The following GORASP2 variants were observed in gnomAD, a reference collection of about 807,000 sequenced individuals.
The protein encoded by GORASP2 is golgi reassembly stacking protein 2, also known as Golgi reassembly-stacking protein 2.
GORASP2 carries 22 observed loss-of-function variants against 45.7 expected under a neutral mutation model. The ratio of observed to expected loss-of-function variants is 0.48; its 90% confidence interval spans 0.34 to 0.69. The LOEUF (loss-of-function observed/expected upper bound fraction) is 0.69. GORASP2 is among the 30% of genes least tolerant of loss of function. The pLI is 0.01. For synonymous variants in GORASP2, 221 were observed against 215.6 expected (o/e 1.02, Z -0.22); for missense variants, 491 against 562.7 (o/e 0.87, Z 1.29).
chr2:170,961,838 G>T, intron 8 of GORASP2, 89 bp downstream of exon 8: 1 of 810,198 alleles, frequency 1.2e-6, no homozygotes, highest in Non-Finnish European at 2.2e-6. Context: ...TTATACCTGT[G>T]TGGTAACTTT....
At chr2:170,939,854 C>T (rs1559308592) in intron 1 of GORASP2, among the ~76,000 whole-genome samples, 1 of 152,200 alleles carries the variant, frequency 6.6e-6, no homozygotes, top group Non-Finnish European at 1.5e-5. Context: ...CTTTTCCCAT[C>T]ATTTTGATCA....
chr2:170,941,411 G>T (rs529673947), intron 1 of GORASP2, among the ~76,000 whole-genome samples: 1 of 152,134 alleles, frequency 6.6e-6, no homozygotes, highest in African/African-American at 2.4e-5. Context: ...TTTTGATACA[G>T]GGAGCATCTT....
At chr2:170,949,970 T>C in intron 3 of GORASP2, 1 of 566,246 alleles carries the variant, frequency 1.8e-6, no homozygotes, top group South Asian at 2.5e-5. Flanking sequence ...TTATTCATTA[T>C]AAGATGTGTT....
In GORASP2 at chr2:170,966,225, G is replaced by A. The variant is rs977851153; in HGVS notation, c.*95G>A. On this transcript the variant is annotated 3_prime_UTR_variant, in exon 10 of 10. Coordinates refer to ENST00000234160, the MANE Select transcript of GORASP2 (RefSeq NM_015530.5). Reference sequence around the variant, plus strand: ...CATTAATTTCATACTAGTTTGTACCGTATCTGTAGGCATCCTGTAAATAAT... The same window carrying A: ...CATTAATTTCATACTAGTTTGTACCATATCTGTAGGCATCCTGTAAATAAT... 15 of 844,508 alleles carry A rather than the reference G, an allele frequency of 1.8e-5. No homozygotes were observed. Among genetic ancestry groups the A allele is most frequent in the Admixed American group, 6.0e-5 (3 of 50,094 alleles). 52.3% of individuals were successfully genotyped at this position (844,508 alleles called of 1,614,324 possible). A position where few individuals can be genotyped will look rare whatever the true frequency, so the allele number is the denominator to read the frequency against.
intron 7 of GORASP2, among the ~76,000 whole-genome samples, chr2:170,958,178 G>A (rs1704471489): frequency 6.6e-6 from 1 of 152,128 alleles, no homozygotes; most frequent in Non-Finnish European, 1.5e-5. Flanking sequence ...ATACACAAAA[G>A]AGCTGGAATT....
rs560426978 is a variant in GORASP2, at chr2:170,949,476, A to T, written c.145-63A>T. On this transcript the variant is annotated intron_variant, in intron 2 of 9. Transcript: ENST00000234160. Reference sequence around the variant, plus strand: ...ATTAATATTACTCTTATAGGGCCATAGGATGCTTAAGCTAACATTAAATTT... The same window carrying T: ...ATTAATATTACTCTTATAGGGCCATTGGATGCTTAAGCTAACATTAAATTT... 3 of 1,133,404 alleles carry T rather than the reference A, an allele frequency of 2.6e-6. No individual in the cohort carries two copies. In the South Asian group the frequency reaches 3.8e-5, roughly 14 times the overall value. The allele number at this position is 1,133,404 out of a possible 1,614,324, so 70.2% of individuals were successfully genotyped here.
chr2:170,954,715 A>G lies in GORASP2; in HGVS notation c.632A>G (p.Lys211Arg). The change falls in exon 6 of 10, where the codon AAG (lysine) becomes AGG (arginine). Residue 211 changes from lysine (K) to arginine (R), a missense_variant. By Grantham distance (26) the Lys-to-Arg change is conservative. This residue lies in a region of GORASP2 where 194 missense variants were observed against 270.4 expected (regional missense o/e 0.72). Transcript: ENST00000234160. ...RIPTRPFEEG[K>R]KISLPGQMAG... ...CCTACACGCCCATTTGAGGAAGGAA[A>G]GAAAATTTCTCTTCCAGGACAAATG... 1 of 1,613,624 alleles carries G rather than the reference A, an allele frequency of 6.2e-7. No homozygotes were observed. Among genetic ancestry groups the G allele is most frequent in the Non-Finnish European group, 8.5e-7 (1 of 1,179,516 alleles).
At chr2:170,943,650 T>C (rs1402142330) in intron 1 of GORASP2, among the ~76,000 whole-genome samples, 1 of 152,188 alleles carries the variant, frequency 6.6e-6, no homozygotes, top group Non-Finnish European at 1.5e-5. Flanking sequence ...ATTTTTTCAC[T>C]GTATATAATC....
At chr2:170,947,998 A>G (rs1240713919) in intron 1 of GORASP2, among the ~76,000 whole-genome samples, 6 of 152,098 alleles carry the variant, frequency 3.9e-5, no homozygotes, top group African/African-American at 9.7e-5. Context: ...GTACGCACCT[A>G]TAGTCCTCCC....
rs751878707 is a variant in GORASP2 at position 170,966,097 on chromosome 2, G to A, written c.1326G>A (p.Ala442=). Residue 442 remains alanine, a synonymous_variant, in exon 10 of 10, where the codon GCG becomes GCA. Coordinates refer to ENST00000234160, the MANE Select transcript of GORASP2 (RefSeq NM_015530.5). ...CAGTCAGCGAGAAGCCTGTTTCTGCGGCTGTGGATGCCAATGCTTCTGAGT... is the reference window on the plus strand; with the variant it reads ...CAGTCAGCGAGAAGCCTGTTTCTGCAGCTGTGGATGCCAATGCTTCTGAGT... ...STPVSEKPVS[A]AVDANASESP The A allele has an allele frequency of 2.2e-5, 35 of 1,613,806 alleles. No individual in the cohort carries two copies. The highest frequency in any genetic ancestry group is 1.6e-4 in the South Asian group (15 of 91,080).
chr2:170,936,656 G>GA, intron 1 of GORASP2: 1 of 1,299,442 alleles, frequency 7.7e-7, no homozygotes, highest in Non-Finnish European at 1.0e-6. Flanking sequence ...CACATTGTCA[G>GA]AAATAAGGAA....
chr2:170,947,350 G>A (rs752369896), intron 1 of GORASP2, among the ~76,000 whole-genome samples: 1 of 152,110 alleles, frequency 6.6e-6, no homozygotes, highest in Non-Finnish European at 1.5e-5. Context: ...CTCCTGCTTC[G>A]GGTGTTTACT....
At chr2:170,945,352 TC>T (rs1704159034) in intron 1 of GORASP2, among the ~76,000 whole-genome samples, 1 of 151,594 alleles carries the variant, frequency 6.6e-6, no homozygotes, top group Non-Finnish European at 1.5e-5. Flanking sequence ...AATTTAAAAA[TC>T]AGCTGCGTGT....
At chr2:170,939,443 G>C (rs1429848699) in intron 1 of GORASP2, among the ~76,000 whole-genome samples, 1 of 152,182 alleles carries the variant, frequency 6.6e-6, no homozygotes, top group Non-Finnish European at 1.5e-5. Flanking sequence ...TGCAGACATA[G>C]AATATAGTAG....
In GORASP2 at chr2:170,965,975, G is replaced by T. The variant is rs776058081; in HGVS notation, c.1204G>T (p.Ala402Ser). The T allele has an allele frequency of 1.2e-6, 2 of 1,613,962 alleles. No individual in the cohort carries two copies. The highest frequency in any genetic ancestry group is 2.2e-5 in the South Asian group (2 of 91,082). The stretch of plus-strand genomic sequence containing the variant: ...ACCCTCCGACCCTGCCACAACTACT[G>T]CAAAGGCAGACGCTGCCTCCTCACT... ...NAPSDPATTTAKADAASSLTV... is the reference protein window; with the variant it reads ...NAPSDPATTTSKADAASSLTV... Residue 402 changes from alanine (A) to serine (S), a missense_variant, in exon 10 of 10, where the codon GCA becomes TCA. Physicochemically the swap from Ala to Ser is moderately conservative, Grantham distance 99 (BLOSUM62 1). Coordinates refer to ENST00000234160, the MANE Select transcript of GORASP2 (RefSeq NM_015530.5).
chr2:170,947,958 A>C (rs573271640), intron 1 of GORASP2, among the ~76,000 whole-genome samples: 1 of 152,118 alleles, frequency 6.6e-6, no homozygotes, highest in South Asian at 2.1e-4. Context: ...CTGTCTCTAC[A>C]AAAAATACAA....
At chr2:170,942,947 C>T (rs531852105) in intron 1 of GORASP2, among the ~76,000 whole-genome samples, 74 of 152,256 alleles carry the variant, frequency 4.9e-4, no homozygotes, top group African/African-American at 1.7e-3. Flanking sequence ...TCTTTCTGAA[C>T]GCTTTACAGT....
At position 170,966,170 on chromosome 2, in the gene GORASP2, C is replaced by A; in HGVS notation, c.*40C>A. Reference sequence around the variant, plus strand: ...TTGGAATTGGCGTGGTATATTTAACCACGGGAGCGTGTCTGGAAACGCAAA... The same window carrying A: ...TTGGAATTGGCGTGGTATATTTAACAACGGGAGCGTGTCTGGAAACGCAAA... On this transcript the variant is annotated 3_prime_UTR_variant, in exon 10 of 10. Coordinates refer to ENST00000234160, the MANE Select transcript of GORASP2 (RefSeq NM_015530.5). 7.1e-7 allele frequency: 1 copy of A among 1,409,026 alleles called. No individual in the cohort carries two copies. The highest frequency in any genetic ancestry group is 1.2e-5 in the South Asian group (1 of 86,894). The allele number at this position is 1,409,026 out of a possible 1,614,324, so 87.3% of individuals were successfully genotyped here. A position where few individuals can be genotyped will look rare whatever the true frequency, so the allele number is the denominator to read the frequency against.
Position 170,961,694 on chromosome 2 carries a change from A to G in GORASP2, c.855A>G (p.Gln285=), listed in dbSNP as rs753171325. 22 of 1,599,276 alleles carry G rather than the reference A, an allele frequency of 1.4e-5. No homozygotes were observed. The highest frequency in any genetic ancestry group is 1.7e-6 in the Non-Finnish European group (2 of 1,166,528). The change falls in exon 8 of 10, where the codon CAA becomes CAG. Residue 285 remains glutamine, a synonymous_variant. Coordinates refer to ENST00000234160, the MANE Select transcript of GORASP2 (RefSeq NM_015530.5). ...GVPTVPLLPP[Q]VNQSLTSVPP... ...CAACAGTACCGTTATTGCCACCACA[A>G]GTAAACCAGTCCCTCACTTCTGTGC...
Sources: allele counts gnomAD v4.1 joint callset (sites outside exome capture counted in the v4.1 genomes callset), GRCh38; gene constraint gnomAD v4.1.1; regional missense constraint gnomAD v4.1.1; transcripts MANE v1.5; gene names NCBI Gene and HGNC (gene_info 2026-07-23, HGNC 2026-07-21).